Variants in TXLNB observed in about 807,000 individuals in gnomAD.
TXLNB encodes taxilin beta, also known as beta-taxilin.
TXLNB carries 37 observed loss-of-function variants against 57.4 expected under a neutral mutation model. The ratio of observed to expected loss-of-function variants is 0.64; its 90% CI spans 0.50 to 0.85. TXLNB has a LOEUF of 0.85. Ranked by LOEUF, TXLNB falls within the 40% of genes least tolerant of loss-of-function variation. TXLNB has a pLI of 0.00. For missense variants in TXLNB, 848 were observed against 825.6 expected, an observed-to-expected ratio of 1.03 and a Z score of -0.33; for synonymous variants, 302 against 309.6, an observed-to-expected ratio of 0.98 and a Z score of 0.26.
At chr6:139,282,708 G>T (rs1164639857) in intron 2 of TXLNB, among the ~76,000 whole-genome samples, 2 of 145,858 alleles carry the variant, frequency 1.4e-5, no homozygotes, top group African/African-American at 5.0e-5. Flanking sequence ...ATTAACTGAG[G>T]TGTAATAAAT....
the TXLNB span, among the ~76,000 whole-genome samples, chr6:139,193,143 A>G: frequency 2.0e-5 from 3 of 151,280 alleles, no homozygotes; most frequent in Admixed American, 2.0e-4. Flanking sequence ...TTTTCCTCCT[A>G]ACTTACTGGC....
At chr6:139,177,591 C>T in the TXLNB span, 1 of 152,854 alleles carries the variant, frequency 6.5e-6, no homozygotes, top group Non-Finnish European at 1.5e-5. This position sits in a 1 kb window ranked among gnomAD's most constrained non-coding sequence, Gnocchi z 4.9. Flanking sequence ...TGTTCTGCAG[C>T]ACACATGGGC....
chr6:139,322,890 G>A, the TXLNB span, among the ~76,000 whole-genome samples: 1 of 152,054 alleles, frequency 6.6e-6, no homozygotes, highest in Non-Finnish European at 1.5e-5. Flanking sequence ...AGGCATTTTC[G>A]CTGGGTTTTC....
chr6:139,315,992 TATATA>T, the TXLNB span, among the ~76,000 whole-genome samples: 1 of 152,082 alleles, frequency 6.6e-6, no homozygotes, highest in Non-Finnish European at 1.5e-5. Context: ...AAAACTAAAT[TATATA>T]ATATAGTAAT....
chr6:139,254,499 A>G (rs1016640284), intron 7 of TXLNB, among the ~76,000 whole-genome samples: 1 of 152,258 alleles, frequency 6.6e-6, no homozygotes, highest in Middle Eastern at 3.4e-3. Flanking sequence ...AGGGCAGTGG[A>G]AGTCTGTGGC....
At chr6:139,309,106 T>C in the TXLNB span, among the ~76,000 whole-genome samples, 1 of 152,220 alleles carries the variant, frequency 6.6e-6, no homozygotes, top group Non-Finnish European at 1.5e-5. Flanking sequence ...TATGCAATGA[T>C]GCAGGGAGCA....
chr6:139,254,598 C>T (rs531159695), intron 7 of TXLNB, among the ~76,000 whole-genome samples: 1 of 152,284 alleles, frequency 6.6e-6, no homozygotes, highest in South Asian at 2.1e-4. Flanking sequence ...GTAGGTCTGG[C>T]TTTCTTCCAG....
downstream of TXLNB, among the ~76,000 whole-genome samples, chr6:139,237,061 CA>C (rs1775843657): frequency 3.3e-5 from 5 of 152,288 alleles, no homozygotes; most frequent in South Asian, 1.0e-3. Flanking sequence ...CCTGCTTCCC[CA>C]AAAGGGCTCA....
chr6:139,290,467 C>A (rs899594955), intron 1 of TXLNB, among the ~76,000 whole-genome samples: 1 of 152,038 alleles, frequency 6.6e-6, no homozygotes, highest in Non-Finnish European at 1.5e-5. Flanking sequence ...ATATATAAAC[C>A]AATTTTTTAA....
At position 139,243,168 on chromosome 6, in the gene TXLNB, C is replaced by T. The variant is rs1266167102; in HGVS notation, c.1413G>A (p.Gln471=). 6.2e-7 allele frequency: 1 copy of T among 1,614,062 alleles called. No individual in the cohort carries two copies. Among genetic ancestry groups the T allele is most frequent in the East Asian group, 2.2e-5 (1 of 44,904 alleles). ...ACTCTGGCTCTTCATCGGAGTTGTG[C>T]TGACTTTGGTCATCCTTTTCAGATA... ...AEISEKDDQS[Q]HNSDEEPESN... The change falls in exon 10 of 10, where the codon CAG becomes CAA. Residue 471 remains glutamine, a synonymous_variant. Transcript: ENST00000358430.
chr6:139,174,522 G>C, the TXLNB span: 1 of 1,614,006 alleles, frequency 6.2e-7, no homozygotes, highest in Non-Finnish European at 8.5e-7. Flanking sequence ...CATCCTGGCT[G>C]CCTCTCCATG....
At chr6:139,260,480 G>T in intron 5 of TXLNB, 43 bp from the exon 6 acceptor site, 8 of 1,592,106 alleles carry the variant, frequency 5.0e-6, no homozygotes, top group Non-Finnish European at 6.8e-6. Flanking sequence ...GTTTATTATT[G>T]GTGCTTAAAA....
intron 2 of TXLNB, among the ~76,000 whole-genome samples, chr6:139,281,770 G>C (rs1284361752): frequency 8.8e-6 from 1 of 113,224 alleles, no homozygotes; most frequent in Non-Finnish European, 1.7e-5. Context: ...GGATGGTCTC[G>C]ATCTCCTGAC....
the TXLNB span, chr6:139,203,463 T>C: frequency 2.0e-5 from 3 of 152,362 alleles, no homozygotes; most frequent in Admixed American, 6.5e-5. Context: ...TTTTCATTTC[T>C]TAGCTTAACC....
chr6:139,253,311 T>C (rs566150784), intron 7 of TXLNB, among the ~76,000 whole-genome samples: 1 of 152,314 alleles, frequency 6.6e-6, no homozygotes, highest in East Asian at 1.9e-4. Context: ...TTTTAAAAAC[T>C]TAAACATAGG....
chr6:139,164,564 G>A, the TXLNB span, among the ~76,000 whole-genome samples: 1 of 152,198 alleles, frequency 6.6e-6, no homozygotes, highest in Non-Finnish European at 1.5e-5. Flanking sequence ...AGGATGAGGA[G>A]AGAAATGCTG....
the TXLNB span, among the ~76,000 whole-genome samples, chr6:139,160,447 T>C: frequency 1.3e-5 from 2 of 152,170 alleles, no homozygotes; most frequent in Non-Finnish European, 2.9e-5. Flanking sequence ...TGCTGTTCTG[T>C]TTTTAGTTTG....
the TXLNB span, among the ~76,000 whole-genome samples, chr6:139,318,269 CAAAAAAAA>C: frequency 3.5e-5 from 2 of 56,662 alleles, no homozygotes; most frequent in Admixed American, 1.8e-4. Context: ...GACTCTGTCT[CAAAAAAAA>C]AAAAAAAAAA....
the TXLNB span, among the ~76,000 whole-genome samples, chr6:139,210,678 C>T: frequency 2.6e-4 from 39 of 152,218 alleles, no homozygotes; most frequent in Admixed American, 7.2e-4. Context: ...CAAAGCAGGG[C>T]GAGGCATCGC....
Sources: gnomAD v4.1 joint callset for allele counts (sites outside exome capture counted in the v4.1 genomes callset) on GRCh38, gnomAD v4.1.1 for gene constraint, Gnocchi (gnomAD v3.1) non-coding constraint, MANE v1.5 for transcripts, NCBI Gene and HGNC (gene_info 2026-07-23, HGNC 2026-07-21) for gene names.